The following DNAH3 variants were observed in gnomAD, a reference collection of about 807,000 sequenced individuals.
DNAH3 encodes the protein dynein axonemal heavy chain 3, also known as axonemal beta dynein heavy chain 3.
A neutral mutation model predicts 432.5 loss-of-function variants in DNAH3; 332 were observed. The observed-to-expected ratio is 0.77, with a 90% CI of 0.70 to 0.84. The LOEUF is 0.84. Ranked by LOEUF, DNAH3 falls within the 40% of genes least tolerant of loss-of-function variation. The pLI, the probability that DNAH3 is intolerant of heterozygous loss-of-function variation, is 0.00. For synonymous variants in DNAH3, 1,956 were observed against 1,900.2 expected (o/e 1.03, Z -0.76); for missense variants, 4,861 against 5,114.0 (o/e 0.95, Z 1.51).
chr16:20,973,979 G>A (rs796931902), intron 51 of DNAH3, among the ~76,000 whole-genome samples: 2 of 152,134 alleles, frequency 1.3e-5, no homozygotes, highest in South Asian at 2.1e-4. Flanking sequence ...TACAGGGAAT[G>A]AAGGAAAAGT....
chr16:21,003,885 C>G lies in DNAH3; in HGVS notation c.6023-678G>C, dbSNP rs549113122. Among the ~76,000 whole-genome samples, 8 of 152,126 alleles carry G rather than the reference C, an allele frequency of 5.3e-5. No individual in the cohort carries two copies. In the East Asian group the frequency reaches 1.5e-3, roughly 29 times the overall value. On this transcript the variant is annotated intron_variant, in intron 41 of 61. Transcript: ENST00000261383. ...AACTTTTGATGGCAATCCTTCTAGC[C>G]CTCTTTCTAGACACACAAACATACT...
chr16:20,962,339 G>T (rs2084861322), intron 53 of DNAH3, among the ~76,000 whole-genome samples: 1 of 152,106 alleles, frequency 6.6e-6, no homozygotes. Context: ...CAATTCGTGG[G>T]TCTCACCCCA....
intron 7 of DNAH3, among the ~76,000 whole-genome samples, chr16:21,133,347 G>C (rs375025764): frequency 5.7e-4 from 82 of 143,194 alleles, no homozygotes; most frequent in African/African-American, 2.2e-3. Context: ...TGGGTGACAG[G>C]GTGAGATTCG....
chr16:20,998,715 C>T (rs2086874052), intron 43 of DNAH3, among the ~76,000 whole-genome samples: 1 of 135,986 alleles, frequency 7.4e-6, no homozygotes, highest in South Asian at 2.3e-4. Flanking sequence ...GCACTCCAGC[C>T]TGGGGGACAA....
At chr16:21,008,467 A>G (rs1168126601) in intron 41 of DNAH3, among the ~76,000 whole-genome samples, 1 of 152,136 alleles carries the variant, frequency 6.6e-6, no homozygotes. Flanking sequence ...CATTTCCTGA[A>G]CCATGGGTCC....
chr16:20,961,698 T>A (rs1596965630), intron 53 of DNAH3, among the ~76,000 whole-genome samples: 1 of 147,724 alleles, frequency 6.8e-6, no homozygotes, highest in African/African-American at 2.5e-5. Flanking sequence ...AAAGAAACCA[T>A]CCCCGCCAAC....
chr16:21,029,364 T>C (rs947045737), intron 37 of DNAH3, among the ~76,000 whole-genome samples: 4 of 152,238 alleles, frequency 2.6e-5, no homozygotes, highest in Non-Finnish European at 4.4e-5. Flanking sequence ...ATGATGTATA[T>C]CCAGTGAAGG....
At chr16:21,054,643 G>T in intron 27 of DNAH3, 109 bp from the exon 28 acceptor site, 1 of 749,994 alleles carries the variant, frequency 1.3e-6, no homozygotes, top group Non-Finnish European at 2.2e-6. Context: ...CCAGACTCCT[G>T]GGTGTCATCC....
In DNAH3 at chr16:20,969,715, G is replaced by T. The variant is rs2085245871; in HGVS notation, c.8458+77C>A. The stretch of plus-strand genomic sequence containing the variant: ...TTGCCTGCACGCCTGCAGTCGACTT[G>T]GGGATGCAGTGGGTGCTGGCACCCC... On this transcript the variant is annotated intron_variant, in intron 52 of 61. Coordinates refer to ENST00000261383, the Ensembl canonical transcript of DNAH3. 2.5e-5 allele frequency: 37 copies of T among 1,503,786 alleles called. No homozygotes were observed. The South Asian group carries it at 3.7e-4, about 15-fold the overall frequency. The allele number at this position is 1,503,786 out of a possible 1,614,324, so 93.2% of individuals were successfully genotyped here.
At chr16:21,041,712 T>C (rs551883557) in intron 32 of DNAH3, among the ~76,000 whole-genome samples, 4 of 152,258 alleles carry the variant, frequency 2.6e-5, no homozygotes, top group South Asian at 2.1e-4. Context: ...TCTTATCTCC[T>C]AGGCTGAGTG....
intron 18 of DNAH3, among the ~76,000 whole-genome samples, chr16:21,096,347 G>A (rs1240797752): frequency 6.6e-6 from 1 of 151,798 alleles, no homozygotes; most frequent in Non-Finnish European, 1.5e-5. Context: ...ACTGAGGCTG[G>A]TCTCGAACTC....
At chr16:21,057,267 T>C (rs1452119050) in intron 27 of DNAH3, among the ~76,000 whole-genome samples, 1 of 152,072 alleles carries the variant, frequency 6.6e-6, no homozygotes, top group African/African-American at 2.4e-5. Context: ...AGAAAAAGTT[T>C]AAAAACAAAC....
At chr16:21,123,693 A>C (rs974400178) in intron 9 of DNAH3, among the ~76,000 whole-genome samples, 2 of 152,204 alleles carry the variant, frequency 1.3e-5, no homozygotes, top group South Asian at 4.1e-4. Context: ...AAATGTGCAC[A>C]CGGCATAAAA....
chr16:21,148,374 T>A (rs72780893), intron 1 of DNAH3, among the ~76,000 whole-genome samples: 1 of 151,908 alleles, frequency 6.6e-6, no homozygotes, highest in Non-Finnish European at 1.5e-5. Flanking sequence ...AGGTAACACA[T>A]CCTAGCCATG....
At chr16:20,978,520 G>A (rs527426591) in intron 50 of DNAH3, among the ~76,000 whole-genome samples, 2 of 152,166 alleles carry the variant, frequency 1.3e-5, no homozygotes, top group East Asian at 3.9e-4. Context: ...GAGAGAGATT[G>A]CGTCTCGAAA....
At chr16:21,072,822 T>C (rs866127464) in intron 21 of DNAH3, among the ~76,000 whole-genome samples, 2,408 of 148,620 alleles carry the variant, frequency 0.016, 79 homozygotes, top group African/African-American at 0.054. Flanking sequence ...CTAATTATTA[T>C]TATTATTATT....
rs1261007664 is a variant in DNAH3, at chr16:21,140,720, A to T, written c.522-10T>A. 3 of 1,613,736 alleles carry T rather than the reference A, an allele frequency of 1.9e-6. No homozygotes were observed. Among genetic ancestry groups the T allele is most frequent in the Non-Finnish European group, 2.5e-6 (3 of 1,179,770 alleles). On this transcript the variant is annotated splice_polypyrimidine_tract_variant and intron_variant, in intron 4 of 61. Transcript: ENST00000261383. ...GAAGGCCAACTTGATCCTGAAAAGT[A>T]GACACAGCTCAGCCCTTGGTGTTTG...
chr16:21,083,333 T>C (rs2091259456), intron 19 of DNAH3, among the ~76,000 whole-genome samples: 1 of 152,270 alleles, frequency 6.6e-6, no homozygotes, highest in East Asian at 1.9e-4. Context: ...GAGATTTTTT[T>C]ATAATGACTC....
chr16:21,020,375 C>CTATATATATATATATATA (rs752950422), intron 40 of DNAH3, among the ~76,000 whole-genome samples: 2 of 32,958 alleles, frequency 6.1e-5, no homozygotes, highest in Non-Finnish European at 4.9e-5. Context: ...TATAAAATCA[C>CTATATATATATATATATA]TATATATATA....
Sources: allele counts gnomAD v4.1 joint callset (sites outside exome capture counted in the v4.1 genomes callset), GRCh38; gene constraint gnomAD v4.1.1; transcripts MANE v1.5; gene names NCBI Gene and HGNC (gene_info 2026-07-23, HGNC 2026-07-21).